Variants in NMNAT3 observed in about 807,000 individuals in gnomAD.
The protein encoded by NMNAT3 is nicotinamide nucleotide adenylyltransferase 3.
NMNAT3 carries 21 observed loss-of-function variants against 24.8 expected under a neutral mutation model. That is an observed-to-expected ratio of 0.85 (90% CI 0.60 to 1.22). The LOEUF is 1.22. Among genes scored for constraint, NMNAT3 ranks in the 50% most tolerant of loss-of-function variants. NMNAT3 has a pLI of 0.00. For synonymous variants in NMNAT3, 136 were observed against 155.2 expected (o/e 0.88, Z 0.92); for missense variants, 387 against 436.6 (o/e 0.89, Z 1.01).
At chr3:139,632,248 T>A (rs553972425) in intron 2 of NMNAT3, among the ~76,000 whole-genome samples, 1 of 152,142 alleles carries the variant, frequency 6.6e-6, no homozygotes, top group South Asian at 2.1e-4. Context: ...CTTCCAGAGA[T>A]ATAAAGTGAA....
Position 139,560,757 on chromosome 3 carries a change from C to G in NMNAT3, c.*253G>C, listed in dbSNP as rs768024159. On this transcript the variant is annotated 3_prime_UTR_variant, in exon 7 of 7. Transcript: ENST00000643695. ...CCTTGTCCAGCAGCTCTGAGAGATT[C>G]TGCCTAATCCTAATGACCTGCCACA... The G allele has an allele frequency of 6.3e-4, 288 of 458,268 alleles. 1 individual carries two copies. Among genetic ancestry groups the G allele is most frequent in the Non-Finnish European group, 5.6e-4 (144 of 257,440 alleles). 28.4% of individuals were successfully genotyped at this position (458,268 alleles called of 1,614,324 possible). A position where few individuals can be genotyped will look rare whatever the true frequency, so the allele number is the denominator to read the frequency against.
intron 4 of NMNAT3, among the ~76,000 whole-genome samples, chr3:139,580,408 C>A (rs914162295): frequency 6.6e-6 from 1 of 152,156 alleles, no homozygotes; most frequent in East Asian, 1.9e-4. Flanking sequence ...CAGCCATGAG[C>A]CACCGTGCCC....
intron 3 of NMNAT3, among the ~76,000 whole-genome samples, chr3:139,612,258 T>A (rs984882766): frequency 6.6e-6 from 1 of 151,858 alleles, no homozygotes; most frequent in Admixed American, 6.6e-5. Flanking sequence ...GGGAACCGAG[T>A]CTAAAACTGA....
At chr3:139,612,968 T>C (rs1032315992) in intron 3 of NMNAT3, among the ~76,000 whole-genome samples, 1 of 152,176 alleles carries the variant, frequency 6.6e-6, no homozygotes, top group Non-Finnish European at 1.5e-5. Context: ...CCTTACACCT[T>C]ATACAAAAAT....
chr3:139,578,677 T>C (rs190149194), intron 5 of NMNAT3, among the ~76,000 whole-genome samples, 195 bp downstream of exon 5: 1 of 152,330 alleles, frequency 6.6e-6, no homozygotes, highest in East Asian at 1.9e-4. Context: ...TTTTGTAATT[T>C]TTCTGCTCAG....
At chr3:139,575,866 C>G (rs1266164629) in intron 5 of NMNAT3, 1 of 1,250,858 alleles carries the variant, frequency 8.0e-7, no homozygotes, top group Non-Finnish European at 1.0e-6. Flanking sequence ...ACATCATGTT[C>G]CCAGCCTGCA....
intron 1 of NMNAT3, among the ~76,000 whole-genome samples, chr3:139,650,397 T>G (rs1445870633): frequency 1.3e-5 from 2 of 152,212 alleles, no homozygotes; most frequent in African/African-American, 2.4e-5. Flanking sequence ...CTGGAAGGCT[T>G]ATGCTTAACC....
At chr3:139,606,418 A>C (rs368440406) in intron 3 of NMNAT3, among the ~76,000 whole-genome samples, 1 of 152,274 alleles carries the variant, frequency 6.6e-6, no homozygotes, top group African/African-American at 2.4e-5. Flanking sequence ...TACATCCTAC[A>C]TCAGAGGGTA....
chr3:139,595,480 C>T (rs1222377676), intron 3 of NMNAT3, among the ~76,000 whole-genome samples: 1 of 152,064 alleles, frequency 6.6e-6, no homozygotes, highest in Non-Finnish European at 1.5e-5. Flanking sequence ...CATATGGAAC[C>T]AAAAAAGAGC....
chr3:139,575,678 T>C, intron 5 of NMNAT3: 1 of 1,024,332 alleles, frequency 9.8e-7, no homozygotes, highest in Non-Finnish European at 1.2e-6. Flanking sequence ...AACATGCATT[T>C]GCCAGGGACT....
chr3:139,632,093 A>G (rs2056323763), intron 2 of NMNAT3, among the ~76,000 whole-genome samples: 1 of 152,042 alleles, frequency 6.6e-6, no homozygotes, highest in Admixed American at 6.6e-5. Context: ...TGGTCCTTTC[A>G]ACTCCTAGCA....
At chr3:139,580,398 C>T (rs1940007429) in intron 4 of NMNAT3, among the ~76,000 whole-genome samples, 2 of 152,200 alleles carry the variant, frequency 1.3e-5, no homozygotes, top group South Asian at 4.1e-4. Flanking sequence ...GCTGGGATTA[C>T]AGCCATGAGC....
chr3:139,656,407 A>G (rs1232601134), intron 1 of NMNAT3, among the ~76,000 whole-genome samples: 3 of 152,218 alleles, frequency 2.0e-5, no homozygotes, highest in Non-Finnish European at 2.9e-5. Context: ...CAAATTCTTA[A>G]CATCTTCCAT....
chr3:139,672,175 C>G (rs2057779137), intron 1 of NMNAT3, among the ~76,000 whole-genome samples: 1 of 152,162 alleles, frequency 6.6e-6, no homozygotes, highest in Non-Finnish European at 1.5e-5. Flanking sequence ...GGCTCTAACC[C>G]CTACACACCT....
intron 1 of NMNAT3, among the ~76,000 whole-genome samples, chr3:139,676,632 G>C (rs9848375): frequency 0.39 from 59,120 of 152,048 alleles, 11,747 homozygotes; most frequent in Non-Finnish European, 0.43. Flanking sequence ...CTGGCCCACC[G>C]GACATGGGCT....
chr3:139,637,768 A>C (rs1355135710), intron 2 of NMNAT3, 195 bp downstream of exon 2: 1 of 152,228 alleles, frequency 6.6e-6, no homozygotes, highest in African/African-American at 2.4e-5. Context: ...AGCTTCCTGC[A>C]AGGCCCACCT....
At chr3:139,644,262 G>A (rs1033176505) in intron 1 of NMNAT3, among the ~76,000 whole-genome samples, 4 of 151,990 alleles carry the variant, frequency 2.6e-5, no homozygotes, top group Admixed American at 2.6e-4. Context: ...AGATTTCTAG[G>A]GAATAGGAAA....
At chr3:139,596,964 A>ATATATATATATATT (rs1405063694) in intron 3 of NMNAT3, among the ~76,000 whole-genome samples, 2 of 108,540 alleles carry the variant, frequency 1.8e-5, no homozygotes, top group Admixed American at 9.4e-5. Context: ...ATATATATAT[A>ATATATATATATATT]TTTTTATTAC....
intron 1 of NMNAT3, among the ~76,000 whole-genome samples, chr3:139,648,039 T>A (rs1030813988): frequency 6.6e-6 from 1 of 152,318 alleles, no homozygotes; most frequent in Non-Finnish European, 1.5e-5. Context: ...TGTAGTGATA[T>A]GGTTTGGCTG....
Sources: gnomAD v4.1 joint callset for allele counts (sites outside exome capture counted in the v4.1 genomes callset) on GRCh38, gnomAD v4.1.1 for gene constraint, MANE v1.5 for transcripts, NCBI Gene and HGNC (gene_info 2026-07-23, HGNC 2026-07-21) for gene names.